The following XPO7 variants were observed in gnomAD, a reference collection of about 807,000 sequenced individuals.
The protein encoded by XPO7 is exportin 7, also known as exportin-7.
In XPO7, 21 loss-of-function variants were observed where a neutral mutation model predicts 144.3. The observed-to-expected ratio is 0.15, with a 90% CI of 0.10 to 0.21. The LOEUF (loss-of-function observed/expected upper bound fraction) is 0.21. Ranked by LOEUF, XPO7 falls within the 10% of genes least tolerant of loss-of-function variation. The pLI, the probability that XPO7 is intolerant of heterozygous loss-of-function variation, is 1.00. For missense variants in XPO7, 808 were observed against 1,325.8 expected (o/e 0.61, Z 6.06); for synonymous variants, 580 against 499.6 (o/e 1.16, Z -2.15).
intron 1 of XPO7, among the ~76,000 whole-genome samples, chr8:21,964,628 G>A (rs775098988): frequency 1.1e-4 from 17 of 151,730 alleles, no homozygotes; most frequent in Non-Finnish European, 2.2e-4. Context: ...AAAAAAAATG[G>A]AGCTGTCGTT....
intron 7 of XPO7, among the ~76,000 whole-genome samples, chr8:21,977,464 A>G (rs746149515): frequency 6.6e-6 from 1 of 152,210 alleles, no homozygotes; most frequent in Non-Finnish European, 1.5e-5. Flanking sequence ...CTGTAATCCC[A>G]GCTACTCTGG....
At chr8:21,921,543 A>G (rs1810287864) in intron 1 of XPO7, 1 of 152,150 alleles carries the variant, frequency 6.6e-6, no homozygotes, top group African/African-American at 2.4e-5. Context: ...GATCTCCCAC[A>G]TTTTCGAAGC....
At position 21,941,680 on chromosome 8, in the gene XPO7, T is replaced by C. The variant is rs559131453; in HGVS notation, c.18+21892T>C. Among the ~76,000 whole-genome samples, 204 of 152,246 alleles carry C rather than the reference T, an allele frequency of 1.3e-3. 1 individual carries two copies. The highest frequency in any genetic ancestry group is 4.7e-3 in the African/African-American group (196 of 41,538). ...ACAGAAGGCCAATTATATAAGGAAA[T>C]GGGAGGGATGCTGGAGAAACCTATG... On this transcript the variant is annotated intron_variant, in intron 1 of 27. Transcript: ENST00000252512.
intron 27 of XPO7, 38 bp from the exon 28 acceptor site, chr8:22,004,957 C>A (rs552411663): frequency 2.1e-5 from 24 of 1,158,672 alleles, no homozygotes; most frequent in African/African-American, 8.1e-5. Context: ...CTTTCCCCCC[C>A]ACTCTCCTCC....
chr8:21,932,954 G>C (rs1052406590), intron 1 of XPO7, among the ~76,000 whole-genome samples: 1 of 152,068 alleles, frequency 6.6e-6, no homozygotes, highest in Non-Finnish European at 1.5e-5. Context: ...ACCTTTGTTA[G>C]AGAATCAAAG....
At chr8:21,940,840 C>T (rs1563313862) in intron 1 of XPO7, among the ~76,000 whole-genome samples, 6 of 152,142 alleles carry the variant, frequency 3.9e-5, no homozygotes, top group South Asian at 4.2e-4. Flanking sequence ...TTGCCATAGG[C>T]GGGGTAGAAC....
intron 1 of XPO7, among the ~76,000 whole-genome samples, chr8:21,922,222 A>T (rs566732710): frequency 6.6e-6 from 1 of 152,196 alleles, no homozygotes; most frequent in Non-Finnish European, 1.5e-5. Flanking sequence ...TGAGTGTCAT[A>T]TGATTCTCGG....
At chr8:21,954,153 AC>A (rs1213939503) in intron 1 of XPO7, among the ~76,000 whole-genome samples, 3 of 152,204 alleles carry the variant, frequency 2.0e-5, no homozygotes, top group Admixed American at 2.0e-4. Context: ...TCATTGTAAA[AC>A]ATAATGATGG....
intron 1 of XPO7, among the ~76,000 whole-genome samples, chr8:21,926,187 A>G (rs552995142): frequency 7.2e-5 from 11 of 152,336 alleles, no homozygotes; most frequent in African/African-American, 2.2e-4. Flanking sequence ...CTGGAAAACA[A>G]TGTTCCTCTG....
intron 1 of XPO7, among the ~76,000 whole-genome samples, chr8:21,928,769 A>G (rs963241545): frequency 1.3e-5 from 2 of 152,222 alleles, no homozygotes; most frequent in African/African-American, 4.8e-5. Flanking sequence ...GAAAACATCT[A>G]AAAGAATAAT....
At chr8:21,988,926 T>G (rs898132129) in intron 15 of XPO7, 77 bp from the exon 16 acceptor site, 2 of 1,377,170 alleles carry the variant, frequency 1.5e-6, no homozygotes, top group East Asian at 4.8e-5. Flanking sequence ...ATGAATGACT[T>G]TCTTCTTCTC....
rs771293861 is a variant in XPO7, at chr8:21,970,151, T to C, written c.267T>C (p.Tyr89=). The change falls in exon 4 of 28, where the codon TAT becomes TAC. Residue 89 remains tyrosine (Y), a synonymous_variant. Coordinates refer to ENST00000252512, the MANE Select transcript of XPO7 (RefSeq NM_015024.5). ...PLEQRIDIRN[Y]VLNYLATRPK... is the part of the protein sequence containing the mutation. Reference sequence around the variant, plus strand: ...CTTGTTTTTTTTTAATAGGGAACTATGTGCTCAACTACCTTGCCACTCGGC... The same window carrying C: ...CTTGTTTTTTTTTAATAGGGAACTACGTGCTCAACTACCTTGCCACTCGGC... 4 of 1,611,786 alleles carry C rather than the reference T, an allele frequency of 2.5e-6. No homozygotes were observed. Among genetic ancestry groups the C allele is most frequent in the African/African-American group, 2.7e-5 (2 of 74,880 alleles).
intron 12 of XPO7, among the ~76,000 whole-genome samples, 173 bp from the exon 13 acceptor site, chr8:21,985,413 G>A (rs1021254362): frequency 2.6e-5 from 4 of 152,192 alleles, no homozygotes; most frequent in Non-Finnish European, 4.4e-5. Context: ...GTTACCTAAC[G>A]AATTTCCCTC....
chr8:21,990,417 T>A lies in XPO7; in HGVS notation c.1932+10T>A. The A allele has an allele frequency of 1.2e-6, 2 of 1,613,182 alleles. No homozygotes were observed. Among genetic ancestry groups the A allele is most frequent in the Non-Finnish European group, 1.7e-6 (2 of 1,179,286 alleles). On this transcript the variant is annotated intron_variant, in intron 17 of 27. Coordinates refer to ENST00000252512, the MANE Select transcript of XPO7 (RefSeq NM_015024.5). ...GCTGAACAATCACACGGTGAGTGAT[T>A]TTAGCTTTTTTTCCTGGCCCTCCTA...
In XPO7 at chr8:22,002,103, T is replaced by G. The variant is rs1233089296; in HGVS notation, c.2783-9T>G. ...AGCTCTGTCCTACCCCTGCCTTTCTTTCTTGCAGACACCATGGTATGCACA... is the reference window on the plus strand; with the variant it reads ...AGCTCTGTCCTACCCCTGCCTTTCTGTCTTGCAGACACCATGGTATGCACA... On this transcript the variant is annotated splice_polypyrimidine_tract_variant and intron_variant, in intron 24 of 27. Transcript: ENST00000252512. 1 of 1,604,802 alleles carries G rather than the reference T, an allele frequency of 6.2e-7. No individual in the cohort carries two copies. Among genetic ancestry groups the G allele is most frequent in the East Asian group, 2.2e-5 (1 of 44,658 alleles).
At chr8:21,994,990 C>T (rs1252922826) in intron 20 of XPO7, among the ~76,000 whole-genome samples, 1 of 151,866 alleles carries the variant, frequency 6.6e-6, no homozygotes, top group East Asian at 1.9e-4. Context: ...GGAGGCGGAG[C>T]TTGCAGTGAG....
chr8:21,997,738 G>A (rs572824082), intron 21 of XPO7, among the ~76,000 whole-genome samples: 1 of 152,316 alleles, frequency 6.6e-6, no homozygotes, highest in Admixed American at 6.5e-5. Context: ...AGGCTACCAT[G>A]TGAAGAATGG....
intron 12 of XPO7, 75 bp from the exon 13 acceptor site, chr8:21,985,511 T>C (rs1049201983): frequency 7.5e-7 from 1 of 1,341,708 alleles, no homozygotes; most frequent in Admixed American, 1.7e-5. Context: ...TTCTTAAGAT[T>C]AAGGAAGTTC....
chr8:21,994,239 T>A (rs2117389505), intron 19 of XPO7, 124 bp from the exon 20 acceptor site: 1 of 604,440 alleles, frequency 1.7e-6, no homozygotes, highest in East Asian at 3.1e-5. Flanking sequence ...ATCCGAATAT[T>A]TGAGAAGGAG....
Sources: gnomAD v4.1 joint callset for allele counts (sites outside exome capture counted in the v4.1 genomes callset) on GRCh38, gnomAD v4.1.1 for gene constraint, MANE v1.5 for transcripts, NCBI Gene and HGNC (gene_info 2026-07-23, HGNC 2026-07-21) for gene names.